Variants in BAZ2B observed in about 807,000 individuals in gnomAD.
BAZ2B encodes the protein bromodomain adjacent to zinc finger domain protein 2B.
BAZ2B carries 91 observed loss-of-function variants against 246.0 expected under a neutral mutation model. The ratio of observed to expected loss-of-function variants is 0.37; its 90% CI spans 0.31 to 0.44. The LOEUF is 0.44. Ranked by LOEUF, BAZ2B falls within the 20% of genes least tolerant of loss-of-function variation. BAZ2B has a pLI of 1.00. For missense variants in BAZ2B, 2,332 were observed against 2,533.7 expected, an observed-to-expected ratio of 0.92 and a Z score of 1.71; for synonymous variants, 855 against 860.0, an observed-to-expected ratio of 0.99 and a Z score of 0.10.
intron 2 of BAZ2B, among the ~76,000 whole-genome samples, chr2:159,515,498 T>C (rs201939683): frequency 9.5e-4 from 144 of 152,266 alleles, no homozygotes; most frequent in Non-Finnish European, 1.7e-3. Flanking sequence ...ATTTTATTTA[T>C]CTGTCTATTG....
At chr2:159,510,246 G>A (rs1056442679) in intron 2 of BAZ2B, among the ~76,000 whole-genome samples, 5 of 152,024 alleles carry the variant, frequency 3.3e-5, no homozygotes, top group Non-Finnish European at 7.4e-5. Context: ...GCAGTGGTGC[G>A]ATCACAGTTT....
chr2:159,472,890 T>C (rs995934979), intron 3 of BAZ2B, among the ~76,000 whole-genome samples: 21 of 152,258 alleles, frequency 1.4e-4, no homozygotes, highest in African/African-American at 5.1e-4. Flanking sequence ...GATTTGTCAG[T>C]ATTTTATTGA....
intron 2 of BAZ2B, among the ~76,000 whole-genome samples, chr2:159,501,656 T>C (rs2081858203): frequency 6.6e-6 from 1 of 152,152 alleles, no homozygotes; most frequent in Admixed American, 6.6e-5. Context: ...GATAAAACCA[T>C]ATATACCTAA....
At chr2:159,424,231 A>G (rs773623877) in intron 13 of BAZ2B, among the ~76,000 whole-genome samples, 1 of 152,206 alleles carries the variant, frequency 6.6e-6, no homozygotes, top group Non-Finnish European at 1.5e-5. Context: ...CTTTTCTGAA[A>G]TAAAATACTG....
In BAZ2B at chr2:159,433,392, C is replaced by A. The variant is rs1036801228; in HGVS notation, c.1294-29G>T. 1.0e-5 allele frequency: 16 copies of A among 1,562,174 alleles called. No homozygotes were observed. In the Admixed American group the frequency reaches 2.2e-4, roughly 21 times the overall value. On this transcript the variant is annotated intron_variant, in intron 8 of 36. Coordinates refer to ENST00000392783, the MANE Select transcript of BAZ2B (RefSeq NM_013450.4). Reference sequence around the variant, plus strand: ...TTGAAACATAAGTTAAAAAACACAACAAAATGTACCACAAAACAAAGATTG... The same window carrying A: ...TTGAAACATAAGTTAAAAAACACAAAAAAATGTACCACAAAACAAAGATTG...
intron 18 of BAZ2B, 55 bp from the exon 19 acceptor site, chr2:159,397,444 T>A: frequency 8.9e-7 from 1 of 1,128,394 alleles, no homozygotes; most frequent in East Asian, 2.5e-5. Context: ...TAGAACATGC[T>A]AAAAGTATTA....
chr2:159,347,632 G>A lies in BAZ2B; in HGVS notation c.5308C>T (p.Leu1770=), dbSNP rs756745705. The A allele has an allele frequency of 6.2e-7, 1 of 1,607,508 alleles. No homozygotes were observed. The highest frequency in any genetic ancestry group is 1.1e-5 in the South Asian group (1 of 90,354). The change falls in exon 31 of 37, where the codon CTG becomes TTG. Residue 1770 remains leucine (L), a synonymous_variant. Coordinates refer to ENST00000392783, the MANE Select transcript of BAZ2B (RefSeq NM_013450.4). ...LKNKDVAIIE[L]NENEENQVTR... is the part of the protein sequence containing the mutation. ...ACTTGGTTTTCTTCATTTTCATTCA[G>A]TTCAATAATAGCAACTACATTTAAA... is the stretch of plus-strand genomic sequence containing the variant.
chr2:159,463,276 T>C, intron 3 of BAZ2B: 2 of 373,098 alleles, frequency 5.4e-6, no homozygotes, highest in Non-Finnish European at 1.0e-5. Context: ...TTCTCAACAT[T>C]TATATTTTGA....
the BAZ2B span, among the ~76,000 whole-genome samples, chr2:159,666,094 G>A: frequency 6.6e-6 from 1 of 151,926 alleles, no homozygotes. Context: ...TAAAAGTTCT[G>A]TTAATATCCT....
At chr2:159,370,290 G>C (rs2060685263) in intron 27 of BAZ2B, among the ~76,000 whole-genome samples, 1 of 150,474 alleles carries the variant, frequency 6.6e-6, no homozygotes, top group African/African-American at 2.5e-5. Context: ...TGCACGTTGT[G>C]CACATGTACC....
At position 159,320,151 on chromosome 2, in the gene BAZ2B, AG is replaced by A. The variant is rs1214011353; in HGVS notation, c.*113del. 1.1e-6 allele frequency: 1 copy of A among 943,024 alleles called. No individual in the cohort carries two copies. The highest frequency in any genetic ancestry group is 1.7e-5 in the African/African-American group (1 of 57,728). The allele number at this position is 943,024 out of a possible 1,614,324, so 58.4% of individuals were successfully genotyped here. A position where few individuals can be genotyped will look rare whatever the true frequency, so the allele number is the denominator to read the frequency against. On this transcript the variant is annotated 3_prime_UTR_variant, in exon 37 of 37. Coordinates refer to ENST00000392783, the MANE Select transcript of BAZ2B (RefSeq NM_013450.4). ...TTCTGATACTTTTTTTTTATACTTAAGGAAAAAGAAAGTCATTATGTATGTG... is the reference window on the plus strand; with the variant it reads ...TTCTGATACTTTTTTTTTATACTTAAGAAAAAGAAAGTCATTATGTATGTG...
intron 2 of BAZ2B, among the ~76,000 whole-genome samples, chr2:159,489,230 A>G (rs1484794291): frequency 6.6e-6 from 1 of 152,216 alleles, no homozygotes; most frequent in Admixed American, 6.5e-5. Context: ...AGACATAAAG[A>G]AAACTAATAG....
Position 159,324,855 on chromosome 2 carries a change from C to T in BAZ2B, c.6309G>A (p.Lys2103=), listed in dbSNP as rs2063232218. Residue 2103 remains lysine (K), a synonymous_variant, in exon 36 of 37, where the codon AAG becomes AAA. Transcript: ENST00000392783. ...LVPGYKKVIK[K]PMDFSTIREK... Reference sequence around the variant, plus strand: ...CTCTAATTGTGGAAAAATCCATAGGCTTCTTAATAACTTTCTTATAACCAG... The same window carrying T: ...CTCTAATTGTGGAAAAATCCATAGGTTTCTTAATAACTTTCTTATAACCAG... 6.5e-7 allele frequency: 1 copy of T among 1,549,140 alleles called. No homozygotes were observed. Among genetic ancestry groups the T allele is most frequent in the Admixed American group, 2.2e-5 (1 of 46,228 alleles).
chr2:159,651,029 A>T, the BAZ2B span, among the ~76,000 whole-genome samples: 1 of 152,070 alleles, frequency 6.6e-6, no homozygotes, highest in Non-Finnish European at 1.5e-5. Context: ...ATTGATAAAA[A>T]TTCCTTTTAT....
At chr2:159,656,447 T>C in the BAZ2B span, among the ~76,000 whole-genome samples, 1 of 152,140 alleles carries the variant, frequency 6.6e-6, no homozygotes, top group Non-Finnish European at 1.5e-5. Flanking sequence ...TACAGGATAG[T>C]TTCACGATTC....
In BAZ2B at chr2:159,431,110, T is replaced by G; in HGVS notation, c.1947A>C (p.Glu649Asp). 6.2e-7 allele frequency: 1 copy of G among 1,611,910 alleles called. No homozygotes were observed. The highest frequency in any genetic ancestry group is 8.5e-7 in the Non-Finnish European group (1 of 1,178,082). ...CATCTTGGTCTTTATCATCATCATC[T>G]TCTTCTTCTGATCCTTCTGTATCTG... is the stretch of plus-strand genomic sequence containing the variant. Reference protein sequence around the residue: ...SESDTEGSEEEDDDDKDQDES... With the variant: ...SESDTEGSEEDDDDDKDQDES... Residue 649 changes from glutamate to aspartate, a missense_variant, in exon 10 of 37, where the codon GAA (glutamate) becomes GAC (aspartate). Transcript: ENST00000392783.
intron 20 of BAZ2B, 38 bp downstream of exon 20, chr2:159,395,731 C>G (rs1051137788): frequency 1.3e-6 from 2 of 1,524,256 alleles, no homozygotes; most frequent in Non-Finnish European, 1.8e-6. Flanking sequence ...AAAAGCATTA[C>G]TTTATAAGGT....
chr2:159,509,771 A>G lies in BAZ2B; in HGVS notation c.-2-31050T>C, dbSNP rs189559014. 5.9e-5 allele frequency among the ~76,000 whole-genome samples: 9 copies of G among 152,272 alleles called. No individual in the cohort carries two copies. In the East Asian group the frequency reaches 1.7e-3, roughly 29 times the overall value. The stretch of plus-strand genomic sequence containing the variant: ...ACATATTTAATATGTATTTGCATAT[A>G]TGTACAAACATATGTATATATGTAC... On this transcript the variant is annotated intron_variant, in intron 2 of 36. Transcript: ENST00000392783.
downstream of BAZ2B, among the ~76,000 whole-genome samples, chr2:159,316,262 TA>T (rs942096996): frequency 2.0e-5 from 3 of 152,076 alleles, no homozygotes; most frequent in African/African-American, 7.2e-5. Flanking sequence ...ATTTGAGGTT[TA>T]AAAAAAATTC....
Sources: allele counts gnomAD v4.1 joint callset (sites outside exome capture counted in the v4.1 genomes callset), GRCh38; gene constraint gnomAD v4.1.1; transcripts MANE v1.5; gene names NCBI Gene and HGNC (gene_info 2026-07-23, HGNC 2026-07-21).